ARMH4: variants seen among roughly 807,000 people sequenced by gnomAD.
ARMH4 encodes armadillo like helical domain containing 4.
ARMH4 carries 49 observed loss-of-function variants against 61.9 expected under a neutral mutation model. The observed-to-expected ratio is 0.79, with a 90% confidence interval of 0.63 to 1.00. The LOEUF (loss-of-function observed/expected upper bound fraction) is 1.00, where lower values mean the gene tolerates loss of function less well. Among genes scored for constraint, ARMH4 ranks in the 50% least tolerant of loss-of-function variants. The pLI is 0.00. For missense variants in ARMH4, 934 were observed against 930.0 expected, an observed-to-expected ratio of 1.00 and a Z score of -0.06; for synonymous variants, 368 against 341.5, an observed-to-expected ratio of 1.08 and a Z score of -0.85.
chr14:58,038,926 G>T (rs1449498727), intron 5 of ARMH4, among the ~76,000 whole-genome samples: 1 of 152,174 alleles, frequency 6.6e-6, no homozygotes, highest in Non-Finnish European at 1.5e-5. Flanking sequence ...CCCTAAGAAA[G>T]TCATGGAAAT....
Position 58,138,094 on chromosome 14 carries a change from G to A in ARMH4, c.1265C>T (p.Thr422Met), listed in dbSNP as rs746848331. The change falls in exon 2 of 8, where the codon ACG (threonine) becomes ATG (methionine). Residue 422 changes from threonine to methionine, a missense_variant. By Grantham distance (81) the Thr-to-Met change is moderately conservative. Transcript: ENST00000267485. ...GGCATCGTTTTCCTTGGTGGATTCCGTGAAGTCTCCCGTACTTTGGAGCAA... is the reference window on the plus strand; with the variant it reads ...GGCATCGTTTTCCTTGGTGGATTCCATGAAGTCTCCCGTACTTTGGAGCAA... The part of the protein sequence containing the change: ...VNLLQSTGDF[T>M]ESTKENDALF... 3.4e-5 allele frequency: 55 copies of A among 1,614,172 alleles called. No homozygotes were observed. In the East Asian group the frequency reaches 4.5e-4, roughly 13 times the overall value.
At chr14:58,137,301 C>T (rs1887334738) in intron 2 of ARMH4, among the ~76,000 whole-genome samples, 1 of 152,166 alleles carries the variant, frequency 6.6e-6, no homozygotes. Flanking sequence ...CCAAACATTG[C>T]TAAATGTCCC....
chr14:58,144,052 G>A (rs1052911053), intron 1 of ARMH4, among the ~76,000 whole-genome samples: 1 of 152,154 alleles, frequency 6.6e-6, no homozygotes, highest in Non-Finnish European at 1.5e-5. Flanking sequence ...GGGATTACAG[G>A]TGTGAGCCAC....
chr14:58,104,891 A>G (rs1311949283), intron 4 of ARMH4, among the ~76,000 whole-genome samples: 2 of 152,210 alleles, frequency 1.3e-5, no homozygotes, highest in African/African-American at 4.8e-5. Context: ...ACCCATATCT[A>G]AAGAATCACA....
chr14:58,049,720 A>C (rs1373209816), intron 5 of ARMH4, among the ~76,000 whole-genome samples: 1 of 152,154 alleles, frequency 6.6e-6, no homozygotes, highest in East Asian at 1.9e-4. Context: ...AAATAAAATA[A>C]AATAAAATAA....
rs1363283083 is a variant in ARMH4 at position 58,138,402 on chromosome 14, T to C, written c.957A>G (p.Leu319=). The change falls in exon 2 of 8, where the codon TTA becomes TTG. Residue 319 remains leucine (L), a synonymous_variant. Coordinates refer to ENST00000267485, the MANE Select transcript of ARMH4 (RefSeq NM_001001872.4). ...ALSDEWDDTK[L]ESVSRIRTPK... Reference sequence around the variant, plus strand: ...GGGTCCTTATCCGGCTTACACTCTCTAATTTGGTGTCATCCCACTCATCAC... The same window carrying C: ...GGGTCCTTATCCGGCTTACACTCTCCAATTTGGTGTCATCCCACTCATCAC... 6.2e-7 allele frequency: 1 copy of C among 1,614,074 alleles called. No homozygotes were observed. The highest frequency in any genetic ancestry group is 2.2e-5 in the East Asian group (1 of 44,898).
At chr14:58,072,124 G>A (rs1027864214) in intron 5 of ARMH4, among the ~76,000 whole-genome samples, 7 of 152,146 alleles carry the variant, frequency 4.6e-5, no homozygotes, top group African/African-American at 1.7e-4. Context: ...CAGAGAGTAA[G>A]CTCCAAAAAG....
chr14:58,049,214 G>A (rs1259785891), intron 5 of ARMH4, among the ~76,000 whole-genome samples: 17 of 150,554 alleles, frequency 1.1e-4, no homozygotes, highest in Non-Finnish European at 2.1e-4. Flanking sequence ...ACTCCAGCTG[G>A]GGCAACAGAG....
chr14:58,151,433 CTCTT>C (rs1362892833), intron 1 of ARMH4, among the ~76,000 whole-genome samples: 10 of 152,138 alleles, frequency 6.6e-5, no homozygotes, highest in Non-Finnish European at 1.3e-4. Context: ...CCCGCAGGCC[CTCTT>C]TCTAATTAAG....
intron 5 of ARMH4, among the ~76,000 whole-genome samples, chr14:58,033,096 G>T (rs1184811229): frequency 2.2e-5 from 2 of 90,410 alleles, no homozygotes; most frequent in Non-Finnish European, 4.8e-5. Context: ...ACCTCTGGGG[G>T]CAGGGCACAG....
intron 5 of ARMH4, among the ~76,000 whole-genome samples, chr14:58,090,535 C>T (rs1182011351): frequency 6.6e-6 from 1 of 152,022 alleles, no homozygotes; most frequent in Admixed American, 6.6e-5. Flanking sequence ...CAAGCAGGGG[C>T]ATGATATAGT....
At chr14:58,030,448 AT>A (rs543496868) in intron 5 of ARMH4, among the ~76,000 whole-genome samples, 1 of 152,222 alleles carries the variant, frequency 6.6e-6, no homozygotes, top group African/African-American at 2.4e-5. Context: ...TGATTTCCCA[AT>A]TTTTTTATCG....
intron 4 of ARMH4, among the ~76,000 whole-genome samples, chr14:58,123,879 C>T (rs1157619428): frequency 6.6e-6 from 1 of 152,214 alleles, no homozygotes; most frequent in Non-Finnish European, 1.5e-5. Context: ...AACCTTGTGC[C>T]ATCAAGCCAC....
intron 4 of ARMH4, among the ~76,000 whole-genome samples, chr14:58,122,627 A>G (rs993218969): frequency 3.9e-5 from 6 of 152,186 alleles, no homozygotes; most frequent in African/African-American, 1.4e-4. Flanking sequence ...CGGTATAAAA[A>G]AAAAGGCCAC....
chr14:58,014,638 G>T (rs931544300), intron 5 of ARMH4, among the ~76,000 whole-genome samples: 14 of 152,106 alleles, frequency 9.2e-5, no homozygotes, highest in Non-Finnish European at 2.1e-4. Flanking sequence ...GCAAGATAAT[G>T]TTTCCAATTT....
intron 5 of ARMH4, among the ~76,000 whole-genome samples, chr14:58,056,410 T>C (rs1459126233): frequency 6.6e-6 from 1 of 152,200 alleles, no homozygotes; most frequent in Non-Finnish European, 1.5e-5. Context: ...ACTTGTTCCT[T>C]TACAAAGCCC....
Position 58,096,820 on chromosome 14 carries a change from C to T in ARMH4, c.1993G>A (p.Glu665Lys), listed in dbSNP as rs762620810. Residue 665 changes from glutamate (E) to lysine (K), a missense_variant, in exon 5 of 8, where the codon GAA becomes AAA. Transcript: ENST00000267485. Reference sequence around the variant, plus strand: ...ATGTTTCCCTCCTCTAAGCCTGGTTCCTGGGATGTGATACCAGGGAGGGTA... The same window carrying T: ...ATGTTTCCCTCCTCTAAGCCTGGTTTCTGGGATGTGATACCAGGGAGGGTA... Reference protein sequence around the residue: ...GFTLPGITSQEPGLEEGNMDL... With the variant: ...GFTLPGITSQKPGLEEGNMDL... 1.9e-6 allele frequency: 3 copies of T among 1,614,120 alleles called. No homozygotes were observed. The highest frequency in any genetic ancestry group is 3.3e-5 in the Admixed American group (2 of 60,008).
intron 1 of ARMH4, among the ~76,000 whole-genome samples, chr14:58,140,663 T>C (rs1186441243): frequency 6.7e-6 from 1 of 149,410 alleles, no homozygotes; most frequent in Admixed American, 6.7e-5. Context: ...CACTTTGGGA[T>C]ACCAAGGCGG....
Position 58,004,025 on chromosome 14 carries a change from A to G in ARMH4, c.*711T>C. ...TGTATGATTGAGTCTGTTGGACTCA[A>G]TCACACTATTTAAGACAGCAAACGT... On this transcript the variant is annotated 3_prime_UTR_variant, in exon 8 of 8. Transcript: ENST00000267485. 1 of 152,226 alleles carries G rather than the reference A, an allele frequency of 6.6e-6. No homozygotes were observed. Among genetic ancestry groups the G allele is most frequent in the East Asian group, 1.9e-4 (1 of 5,198 alleles). The allele number at this position is 152,226 out of a possible 1,614,324, so 9.4% of individuals were successfully genotyped here.
Sources: gnomAD v4.1 joint callset for allele counts (sites outside exome capture counted in the v4.1 genomes callset) on GRCh38, gnomAD v4.1.1 for gene constraint, MANE v1.5 for transcripts, NCBI Gene and HGNC (gene_info 2026-07-23, HGNC 2026-07-21) for gene names.